The following STAG1 variants were observed in gnomAD, a reference collection of about 807,000 sequenced individuals.
The protein encoded by STAG1 is cohesin subunit SA-1.
In STAG1, 26 loss-of-function variants were observed where a neutral mutation model predicts 170.9. The observed-to-expected ratio is 0.15, with a 90% CI of 0.11 to 0.21. The LOEUF is 0.21. Ranked by LOEUF, STAG1 falls within the 10% of genes least tolerant of loss-of-function variation. The pLI is 1.00. For synonymous variants in STAG1, 514 were observed against 497.7 expected (o/e 1.03, Z -0.44); for missense variants, 964 against 1,509.5 (o/e 0.64, Z 5.99).
At chr3:136,630,827 T>A (rs1171231133) in intron 2 of STAG1, 43 bp downstream of exon 2, 1 of 1,407,186 alleles carries the variant, frequency 7.1e-7, no homozygotes. Context: ...TTGTCCAAAA[T>A]TTTCCTTAAA....
At chr3:136,740,136 A>C (rs1483973840) in intron 1 of STAG1, among the ~76,000 whole-genome samples, 2 of 152,170 alleles carry the variant, frequency 1.3e-5, no homozygotes, top group Non-Finnish European at 2.9e-5. Flanking sequence ...CTGTAATCTC[A>C]GCTACTCGGG....
In STAG1 at chr3:136,688,973, G is replaced by T. The variant is rs1942629961; in HGVS notation, c.-83-57992C>A. Among the ~76,000 whole-genome samples, 10 of 152,256 alleles carry T rather than the reference G, an allele frequency of 6.6e-5. No individual in the cohort carries two copies. The South Asian group carries it at 2.1e-3, about 32-fold the overall frequency. The stretch of plus-strand genomic sequence containing the variant: ...CTTTGTTCTGCCAGGAATAAGATGG[G>T]GGATGATATAAGCACAATGAAAATC... On this transcript the variant is annotated intron_variant, in intron 1 of 33. Coordinates refer to ENST00000383202, the MANE Select transcript of STAG1 (RefSeq NM_005862.3).
At chr3:136,496,862 A>G (rs1220056589) in intron 9 of STAG1, among the ~76,000 whole-genome samples, 2 of 152,064 alleles carry the variant, frequency 1.3e-5, no homozygotes, top group Non-Finnish European at 2.9e-5. Flanking sequence ...CTCCACATAC[A>G]CTGAACAATG....
intron 28 of STAG1, among the ~76,000 whole-genome samples, chr3:136,353,729 CT>C (rs745643769): frequency 1.3e-5 from 2 of 152,110 alleles, no homozygotes; most frequent in Non-Finnish European, 2.9e-5. Flanking sequence ...GACCTGCCTA[CT>C]AAAGGAAGTT....
intron 7 of STAG1, among the ~76,000 whole-genome samples, chr3:136,512,716 T>C (rs1934132777): frequency 6.8e-6 from 1 of 147,252 alleles, no homozygotes; most frequent in South Asian, 2.2e-4. Flanking sequence ...CAGTGATCAC[T>C]AACAACAATT....
chr3:136,751,296 TG>T (rs1484333112), intron 1 of STAG1, among the ~76,000 whole-genome samples: 1 of 151,848 alleles, frequency 6.6e-6, no homozygotes, highest in Non-Finnish European at 1.5e-5. Flanking sequence ...TGTGGGTAGA[TG>T]GGGGTGACGT....
intron 1 of STAG1, among the ~76,000 whole-genome samples, chr3:136,708,543 A>T (rs915022664): frequency 2.6e-5 from 4 of 152,140 alleles, no homozygotes; most frequent in African/African-American, 9.7e-5. Flanking sequence ...GAAACTAGAG[A>T]TGATTGCACA....
intron 9 of STAG1, among the ~76,000 whole-genome samples, chr3:136,496,462 A>C (rs1258850047): frequency 1.3e-5 from 2 of 152,214 alleles, no homozygotes; most frequent in Non-Finnish European, 2.9e-5. Context: ...TTCTTTGACT[A>C]CATTGAAATT....
At chr3:136,548,634 C>CA (rs1936259315) in intron 5 of STAG1, among the ~76,000 whole-genome samples, 1 of 152,196 alleles carries the variant, frequency 6.6e-6, no homozygotes, top group Admixed American at 6.5e-5. Flanking sequence ...GACATTTTAA[C>CA]AATATTAAGT....
intron 16 of STAG1, among the ~76,000 whole-genome samples, chr3:136,432,590 C>G (rs1370577718): frequency 6.6e-6 from 1 of 151,640 alleles, no homozygotes; most frequent in African/African-American, 2.4e-5. Context: ...TCCCTGCAAC[C>G]TCTGCCTCTG....
chr3:136,679,308 G>A (rs558885975), intron 1 of STAG1, among the ~76,000 whole-genome samples: 4 of 152,262 alleles, frequency 2.6e-5, no homozygotes, highest in South Asian at 2.1e-4. Flanking sequence ...GGCCAGGCAC[G>A]GTGGCTCATG....
intron 1 of STAG1, among the ~76,000 whole-genome samples, chr3:136,691,526 G>A (rs1386962441): frequency 6.6e-6 from 1 of 152,092 alleles, no homozygotes; most frequent in East Asian, 1.9e-4. Context: ...CCTTAAGTAG[G>A]GCATGTAGAA....
At chr3:136,618,737 A>G (rs1464375789) in intron 3 of STAG1, among the ~76,000 whole-genome samples, 2 of 152,064 alleles carry the variant, frequency 1.3e-5, no homozygotes, top group Admixed American at 6.6e-5. Flanking sequence ...GATTATGACA[A>G]CTGGCAAAAT....
intron 6 of STAG1, among the ~76,000 whole-genome samples, chr3:136,534,540 C>A (rs776165343): frequency 6.6e-6 from 1 of 151,506 alleles, no homozygotes; most frequent in Non-Finnish European, 1.5e-5. Flanking sequence ...TGAAAATAAA[C>A]AACTCAACAA....
At chr3:136,594,266 G>A (rs1938316872) in intron 4 of STAG1, among the ~76,000 whole-genome samples, 1 of 151,816 alleles carries the variant, frequency 6.6e-6, no homozygotes, top group African/African-American at 2.4e-5. Flanking sequence ...TCCATTTGAT[G>A]ATACGAAGCG....
At chr3:136,492,975 T>C (rs1464733328) in intron 9 of STAG1, among the ~76,000 whole-genome samples, 1 of 152,076 alleles carries the variant, frequency 6.6e-6, no homozygotes, top group Non-Finnish European at 1.5e-5. Flanking sequence ...CAGTGCTTTG[T>C]GGAAAATTTA....
chr3:136,422,698 T>C (rs1306435311), intron 18 of STAG1, 70 bp downstream of exon 18: 2 of 1,521,152 alleles, frequency 1.3e-6, no homozygotes, highest in Non-Finnish European at 1.8e-6. Context: ...AACAAGTCTA[T>C]AAGAGTACAT....
At chr3:136,553,730 CGCCACTGCGCTCCA>C (rs1936502339) in intron 5 of STAG1, among the ~76,000 whole-genome samples, 2 of 152,194 alleles carry the variant, frequency 1.3e-5, no homozygotes, top group East Asian at 3.9e-4. Context: ...GCCAAGATCG[CGCCACTGCGCTCCA>C]GCCTGGCAAG....
intron 9 of STAG1, among the ~76,000 whole-genome samples, chr3:136,479,234 G>A (rs1292286176): frequency 1.3e-5 from 1 of 79,336 alleles, no homozygotes; most frequent in African/African-American, 5.1e-5. Flanking sequence ...CCCCTCCCCT[G>A]ACCCCACCAC....
Sources: gnomAD v4.1 joint callset for allele counts (sites outside exome capture counted in the v4.1 genomes callset) on GRCh38, gnomAD v4.1.1 for gene constraint, MANE v1.5 for transcripts, NCBI Gene and HGNC (gene_info 2026-07-23, HGNC 2026-07-21) for gene names.